The following SNX7 variants were observed in gnomAD, a reference collection of about 807,000 sequenced individuals.
SNX7 encodes sorting nexin-7.
Under a neutral mutation model 48.4 loss-of-function variants are expected in SNX7, and 35 were observed. The ratio of observed to expected loss-of-function variants is 0.72; its 90% CI spans 0.55 to 0.96. The LOEUF is 0.96. SNX7 is among the 40% of genes least tolerant of loss of function. The pLI, the probability that SNX7 is intolerant of heterozygous loss-of-function variation, is 0.00. For missense variants in SNX7, 553 were observed against 548.9 expected, an observed-to-expected ratio of 1.01 and a Z score of -0.07; for synonymous variants, 190 against 190.2, an observed-to-expected ratio of 1.00 and a Z score of 0.01.
intron 7 of SNX7, among the ~76,000 whole-genome samples, chr1:98,726,593 C>G (rs777547288): frequency 1.3e-5 from 2 of 152,110 alleles, no homozygotes; most frequent in African/African-American, 2.4e-5. Context: ...TTAATTTCAT[C>G]AAGTGAATAT....
At chr1:98,674,328 C>T (rs1271649043) in intron 1 of SNX7, among the ~76,000 whole-genome samples, 1 of 152,132 alleles carries the variant, frequency 6.6e-6, no homozygotes, top group Non-Finnish European at 1.5e-5. Flanking sequence ...GGCCAGAAGT[C>T]TGACATCAAG....
intron 1 of SNX7, among the ~76,000 whole-genome samples, chr1:98,683,858 A>AT (rs1385621505): frequency 6.6e-6 from 1 of 151,936 alleles, no homozygotes; most frequent in Non-Finnish European, 1.5e-5. Flanking sequence ...TGATATCTGT[A>AT]TTTTCATAGG....
intron 2 of SNX7, among the ~76,000 whole-genome samples, chr1:98,686,126 G>A (rs928404171): frequency 1.3e-5 from 2 of 152,136 alleles, no homozygotes; most frequent in Non-Finnish European, 2.9e-5. Context: ...GACAGAAGAA[G>A]TCATGCTTAG....
At chr1:98,715,390 A>C (rs1052837113) in intron 7 of SNX7, among the ~76,000 whole-genome samples, 3 of 152,082 alleles carry the variant, frequency 2.0e-5, no homozygotes, top group Admixed American at 6.6e-5. Flanking sequence ...TGTCCCATTA[A>C]TGATTCTGCA....
intron 5 of SNX7, among the ~76,000 whole-genome samples, chr1:98,697,459 T>C (rs916069109): frequency 6.6e-6 from 1 of 152,046 alleles, no homozygotes; most frequent in Non-Finnish European, 1.5e-5. Flanking sequence ...TGCTTATAAA[T>C]TTTCCACCAC....
chr1:98,722,754 GT>G (rs1652953297), intron 7 of SNX7, among the ~76,000 whole-genome samples: 1 of 151,842 alleles, frequency 6.6e-6, no homozygotes, highest in Non-Finnish European at 1.5e-5. Flanking sequence ...GCTCAAAAAT[GT>G]TGGTGATATA....
At chr1:98,690,365 T>C (rs528228839) in intron 2 of SNX7, among the ~76,000 whole-genome samples, 3 of 152,208 alleles carry the variant, frequency 2.0e-5, no homozygotes, top group African/African-American at 7.2e-5. Context: ...ACCCATGTTC[T>C]TCTTGTCATA....
At chr1:98,713,344 A>G (rs1652421068) in intron 7 of SNX7, among the ~76,000 whole-genome samples, 2 of 152,218 alleles carry the variant, frequency 1.3e-5, no homozygotes, top group Non-Finnish European at 2.9e-5. Flanking sequence ...AAAATTGAAG[A>G]GTTAGGACAT....
Position 98,696,741 on chromosome 1 carries a change from A to T in SNX7, c.838+1025A>T, listed in dbSNP as rs547742540. Among the ~76,000 whole-genome samples, 13 of 149,700 alleles carry T rather than the reference A, an allele frequency of 8.7e-5. No individual in the cohort carries two copies. In the South Asian group the frequency reaches 2.7e-3, roughly 32 times the overall value. On this transcript the variant is annotated intron_variant, in intron 5 of 8. Transcript: ENST00000306121. ...CATTTATTATTTGTCTTTTTTTTTT[A>T]ACCTGAATAAGTGAATTATTTTAAC...
At chr1:98,738,108 A>T in intron 7 of SNX7, 129 bp from the exon 8 acceptor site, 1 of 886,588 alleles carries the variant, frequency 1.1e-6, no homozygotes, top group Non-Finnish European at 1.7e-6. Flanking sequence ...CAGAGTAAAT[A>T]CTGGTGATTA....
chr1:98,685,915 C>T (rs542751520), intron 2 of SNX7, among the ~76,000 whole-genome samples: 2 of 152,106 alleles, frequency 1.3e-5, no homozygotes, highest in Admixed American at 6.5e-5. Flanking sequence ...AGCAAAGTGC[C>T]GACTTTCTTG....
intron 1 of SNX7, 125 bp downstream of exon 1, chr1:98,662,036 G>A: frequency 9.6e-7 from 1 of 1,038,880 alleles, no homozygotes; most frequent in Non-Finnish European, 1.2e-6. Flanking sequence ...CTGGGGACGA[G>A]TGAGGTCCCC....
At chr1:98,696,236 T>A (rs1651450702) in intron 5 of SNX7, among the ~76,000 whole-genome samples, 1 of 151,278 alleles carries the variant, frequency 6.6e-6, no homozygotes, top group Non-Finnish European at 1.5e-5. Context: ...ACGTGATGAT[T>A]TTTTCCCCTA....
chr1:98,751,898 T>G (rs1175125897), intron 8 of SNX7, among the ~76,000 whole-genome samples: 2 of 152,162 alleles, frequency 1.3e-5, no homozygotes, highest in African/African-American at 4.8e-5. Context: ...TCTCCCATGA[T>G]AGTATGAGAA....
intron 7 of SNX7, among the ~76,000 whole-genome samples, chr1:98,731,702 G>T (rs1653523296): frequency 6.6e-6 from 1 of 152,002 alleles, no homozygotes; most frequent in Non-Finnish European, 1.5e-5. Context: ...TGTATAGCAT[G>T]TTATTTTAGT....
Position 98,663,252 on chromosome 1 carries a change from GGTTTT to G in SNX7, c.180+1342_180+1346del, listed in dbSNP as rs1286819761. On this transcript the variant is annotated intron_variant, in intron 1 of 8. Coordinates refer to ENST00000306121, the MANE Select transcript of SNX7 (RefSeq NM_015976.5). ...ATCAGAATCATCAGGGTTTCTTTCT[GGTTTT>G]TTTTTTTTTTTTTTTTTTTTTTTTT... 3.2e-3 allele frequency among the ~76,000 whole-genome samples: 263 copies of G among 83,142 alleles called. 31 individuals are homozygous for G. The highest frequency in any genetic ancestry group is 0.011 in the East Asian group (28 of 2,476). 54.5% of individuals were successfully genotyped at this position (83,142 alleles called of 152,430 possible).
chr1:98,715,079 TAA>T (rs778836623), intron 7 of SNX7, among the ~76,000 whole-genome samples: 59 of 152,276 alleles, frequency 3.9e-4, no homozygotes, highest in Non-Finnish European at 7.9e-4. Flanking sequence ...TCAATATCAA[TAA>T]GTTATTGATA....
intron 4 of SNX7, among the ~76,000 whole-genome samples, chr1:98,695,214 T>C (rs1373849426): frequency 2.6e-5 from 4 of 152,220 alleles, no homozygotes; most frequent in Non-Finnish European, 5.9e-5. Flanking sequence ...CCTTATCTCC[T>C]CTAGTATCTC....
chr1:98,745,106 A>G (rs1246530562), intron 8 of SNX7, among the ~76,000 whole-genome samples: 2 of 152,002 alleles, frequency 1.3e-5, no homozygotes, highest in Non-Finnish European at 2.9e-5. Flanking sequence ...AGAAGGATGG[A>G]TATGGTAGGA....
Sources: allele counts gnomAD v4.1 joint callset (sites outside exome capture counted in the v4.1 genomes callset), GRCh38; gene constraint gnomAD v4.1.1; transcripts MANE v1.5; gene names NCBI Gene and HGNC (gene_info 2026-07-23, HGNC 2026-07-21).